Variants in KLF8 observed in about 807,000 individuals in gnomAD.
The protein encoded by KLF8 is Krueppel-like factor 8.
KLF8 carries 10 observed loss-of-function variants against 18.2 expected under a neutral mutation model. That is an observed-to-expected ratio of 0.55 (90% CI 0.34 to 0.93). The LOEUF (loss-of-function observed/expected upper bound fraction) is 0.93, where lower values mean the gene tolerates loss of function less well. Among genes scored for constraint, KLF8 ranks in the 40% least tolerant of loss-of-function variants. KLF8 has a pLI of 0.02. For synonymous variants in KLF8, 109 were observed against 97.3 expected, an observed-to-expected ratio of 1.12 and a Z score of -0.71; for missense variants, 264 against 277.9, an observed-to-expected ratio of 0.95 and a Z score of 0.36.
the KLF8 span, among the ~76,000 whole-genome samples, chrX:56,103,791 G>A: frequency 9.0e-6 from 1 of 111,338 alleles, no homozygotes; most frequent in African/African-American, 3.3e-5. Context: ...TCTTGTGCCA[G>A]TTTTCAAAGG....
chrX:56,244,634 T>C (rs1235411768), intron 1 of KLF8, among the ~76,000 whole-genome samples: 1 of 112,273 alleles, frequency 8.9e-6, no homozygotes, highest in Non-Finnish European at 1.9e-5. Flanking sequence ...TCGGCTGTTA[T>C]AGTTCTTTTT....
the KLF8 span, among the ~76,000 whole-genome samples, chrX:56,222,830 T>G: frequency 1.8e-5 from 2 of 113,073 alleles, no homozygotes; most frequent in Non-Finnish European, 3.8e-5. Context: ...CTAGCGGGGC[T>G]GGCCGGCGGC....
chrX:56,131,146 G>A, the KLF8 span, among the ~76,000 whole-genome samples: 1 of 111,542 alleles, frequency 9.0e-6, no homozygotes, highest in South Asian at 3.7e-4. Flanking sequence ...AGAACACCTG[G>A]GAAATTTATT....
the KLF8 span, among the ~76,000 whole-genome samples, chrX:55,993,715 G>T: frequency 9.0e-6 from 1 of 111,145 alleles, no homozygotes; most frequent in Non-Finnish European, 1.9e-5. Flanking sequence ...AAATATGGCT[G>T]TGGATTCTTA....
the KLF8 span, among the ~76,000 whole-genome samples, chrX:56,149,168 T>A: frequency 9.0e-6 from 1 of 111,481 alleles, no homozygotes; most frequent in Non-Finnish European, 1.9e-5. Flanking sequence ...ATGAAGAGAA[T>A]GGGGCATTTT....
In KLF8 at chrX:56,289,346, G is replaced by A. The variant is rs749565342; in HGVS notation, c.*4852G>A. Among the ~76,000 whole-genome samples the A allele has an allele frequency of 1.8e-5, 2 of 110,377 alleles. No homozygotes were observed. Among genetic ancestry groups the A allele is most frequent in the East Asian group, 5.7e-4 (2 of 3,512 alleles). On this transcript the variant is annotated 3_prime_UTR_variant, in exon 6 of 6. Transcript: ENST00000468660. ...ATTTTGTGGCCTACTCCTATAATCA[G>A]CCATTTCTTCAAGAAGTCCTGGTTT...
chrX:55,965,593 C>G, the KLF8 span, among the ~76,000 whole-genome samples: 1 of 112,062 alleles, frequency 8.9e-6, no homozygotes, highest in African/African-American at 3.2e-5. Flanking sequence ...GGAAGTCAAA[C>G]TATTTCTCTT....
Position 56,288,226 on chromosome X carries a change from G to A in KLF8, c.*3732G>A, listed in dbSNP as rs1231009769. 9.2e-6 allele frequency among the ~76,000 whole-genome samples: 1 copy of A among 108,435 alleles called. No homozygotes were observed. The highest frequency in any genetic ancestry group is 3.4e-5 in the African/African-American group (1 of 29,166). 94.2% of individuals were successfully genotyped at this position (108,435 alleles called of 115,157 possible). ...TTCACTCCAGCCTGGGTGACAGAGCGACACACTTGATCTCAAAAAAAAAAA... is the reference window on the plus strand; with the variant it reads ...TTCACTCCAGCCTGGGTGACAGAGCAACACACTTGATCTCAAAAAAAAAAA... On this transcript the variant is annotated 3_prime_UTR_variant, in exon 6 of 6. Transcript: ENST00000468660.
the KLF8 span, among the ~76,000 whole-genome samples, chrX:56,181,525 T>A: frequency 8.9e-6 from 1 of 111,995 alleles, no homozygotes; most frequent in Admixed American, 9.5e-5. Flanking sequence ...GCTGGTTAGT[T>A]TGCTGATTAA....
At chrX:56,096,540 C>A in the KLF8 span, among the ~76,000 whole-genome samples, 3 of 110,903 alleles carry the variant, frequency 2.7e-5, no homozygotes, top group Non-Finnish European at 5.7e-5. Context: ...GCAACAAAAG[C>A]AGGGATTAGT....
At chrX:56,018,319 A>T in the KLF8 span, among the ~76,000 whole-genome samples, 1 of 111,462 alleles carries the variant, frequency 9.0e-6, no homozygotes. Context: ...TTCACTTAAC[A>T]TAGTTTTCTC....
At chrX:56,017,472 G>A in the KLF8 span, among the ~76,000 whole-genome samples, 5 of 112,384 alleles carry the variant, frequency 4.4e-5, no homozygotes, top group African/African-American at 9.7e-5. Flanking sequence ...GAAAATAGTA[G>A]AACGGGGAAG....
chrX:56,184,597 C>G, the KLF8 span, among the ~76,000 whole-genome samples: 1 of 112,024 alleles, frequency 8.9e-6, no homozygotes. Context: ...CCCCGAACTC[C>G]TGAGCAGCCT....
the KLF8 span, among the ~76,000 whole-genome samples, chrX:55,930,552 C>T: frequency 5.4e-5 from 6 of 111,823 alleles, no homozygotes; most frequent in Admixed American, 9.5e-5. Flanking sequence ...TTTTGAGATA[C>T]GTTCCATCAA....
the KLF8 span, among the ~76,000 whole-genome samples, chrX:56,049,479 G>A: frequency 3.6e-5 from 4 of 109,644 alleles, no homozygotes; most frequent in Admixed American, 3.9e-4. Flanking sequence ...AGCATGAAGG[G>A]TTGTTGAATT....
the KLF8 span, among the ~76,000 whole-genome samples, chrX:56,030,144 T>A: frequency 8.9e-6 from 1 of 112,029 alleles, no homozygotes; most frequent in Non-Finnish European, 1.9e-5. Flanking sequence ...TTTCCTTGGA[T>A]GACTTCAGAA....
At chrX:55,977,346 T>G in the KLF8 span, among the ~76,000 whole-genome samples, 1 of 112,341 alleles carries the variant, frequency 8.9e-6, no homozygotes, top group East Asian at 2.8e-4. Context: ...CTCTTCAATT[T>G]GTTAGCATTT....
At chrX:56,011,030 T>C in the KLF8 span, among the ~76,000 whole-genome samples, 1 of 111,900 alleles carries the variant, frequency 8.9e-6, no homozygotes, top group African/African-American at 3.2e-5. Flanking sequence ...TGGGAGAGTT[T>C]TACATGCCAC....
the KLF8 span, among the ~76,000 whole-genome samples, chrX:55,964,919 C>A: frequency 9.0e-6 from 1 of 111,258 alleles, no homozygotes; most frequent in Non-Finnish European, 1.9e-5. Context: ...ATAAAAAATA[C>A]CTATCAACCA....
Sources: gnomAD v4.1 joint callset for allele counts (sites outside exome capture counted in the v4.1 genomes callset) on GRCh38, gnomAD v4.1.1 for gene constraint, MANE v1.5 for transcripts, NCBI Gene and HGNC (gene_info 2026-07-23, HGNC 2026-07-21) for gene names.